The following AGAP3 variants were observed in gnomAD, a reference collection of about 807,000 sequenced individuals.
The protein encoded by AGAP3 is arf-GAP with GTPase, ANK repeat and PH domain-containing protein 3.
AGAP3 carries 24 observed loss-of-function variants against 96.9 expected under a neutral mutation model. The observed-to-expected ratio is 0.25, with a 90% confidence interval of 0.18 to 0.35. The LOEUF (loss-of-function observed/expected upper bound fraction) is 0.35. Among genes scored for constraint, AGAP3 ranks in the 10% least tolerant of loss-of-function variants. AGAP3 has a pLI of 1.00. For synonymous variants in AGAP3, 563 were observed against 536.1 expected (o/e 1.05, Z -0.69); for missense variants, 876 against 1,254.2 (o/e 0.70, Z 4.55).
At chr7:151,130,131 T>G (rs1275561713) in intron 10 of AGAP3, among the ~76,000 whole-genome samples, 1 of 152,212 alleles carries the variant, frequency 6.6e-6, no homozygotes, top group Non-Finnish European at 1.5e-5. Context: ...TTTCCCCACC[T>G]GTGTGGAGCT....
intron 1 of AGAP3, among the ~76,000 whole-genome samples, chr7:151,102,967 AGCC>A (rs1320077655): frequency 6.6e-6 from 1 of 152,250 alleles, no homozygotes; most frequent in African/African-American, 2.4e-5. Context: ...CTGTAGTCTC[AGCC>A]ACATGGGAGG....
rs1169140860 is a variant in AGAP3, at chr7:151,142,267, T to C, written c.2050+14T>C. On this transcript the variant is annotated intron_variant, in intron 15 of 17. Transcript: ENST00000397238. This position sits in a 1 kb window ranked among gnomAD's most constrained non-coding sequence, Gnocchi z 7.5. Reference sequence around the variant, plus strand: ...GCGATGCACCCAGTGAGTGCAAGGCTGGTGGGGCTGGGAGCTGGGGATGGC... The same window carrying C: ...GCGATGCACCCAGTGAGTGCAAGGCCGGTGGGGCTGGGAGCTGGGGATGGC... The C allele has an allele frequency of 6.2e-7, 1 of 1,611,148 alleles. No homozygotes were observed. The highest frequency in any genetic ancestry group is 1.7e-5 in the Admixed American group (1 of 59,968).
chr7:151,107,171 G>T (rs1014867632), intron 1 of AGAP3, among the ~76,000 whole-genome samples: 1 of 152,090 alleles, frequency 6.6e-6, no homozygotes, highest in Non-Finnish European at 1.5e-5. Context: ...TTAGCCGGAT[G>T]TGGTGGCACG....
intron 1 of AGAP3, among the ~76,000 whole-genome samples, chr7:151,103,777 CA>C (rs1327776347): frequency 1.3e-5 from 2 of 152,190 alleles, no homozygotes; most frequent in Middle Eastern, 3.2e-3. Context: ...AAGGATGAAA[CA>C]GGATCCAATG....
chr7:151,117,225 C>T lies in AGAP3; in HGVS notation c.478+43C>T, dbSNP rs746065540. On this transcript the variant is annotated intron_variant, in intron 3 of 17. Transcript: ENST00000397238. ...AGCCTGGGCCCTGAGGCCGGCCACT[C>T]CTCCAGCTCCTGCCCACAGGGTCTG... 7.5e-6 allele frequency: 12 copies of T among 1,600,170 alleles called. No homozygotes were observed. In the Admixed American group the frequency reaches 1.7e-4, roughly 22 times the overall value.
rs775946836 is a variant in AGAP3, at chr7:151,138,134, C to T, written c.1496-9C>T. 45 of 1,581,680 alleles carry T rather than the reference C, an allele frequency of 2.8e-5. No individual in the cohort carries two copies. In the South Asian group the frequency reaches 3.6e-4, roughly 13 times the overall value. On this transcript the variant is annotated splice_polypyrimidine_tract_variant and intron_variant, in intron 11 of 17. Coordinates refer to ENST00000397238, the MANE Select transcript of AGAP3 (RefSeq NM_031946.7). ...CCTCCCTTCCCAGTCTGACCCTTCC[C>T]GCCCCCAGGTGCCCCCCACTCGGCC...
At chr7:151,120,908 A>G (rs935574771) in intron 8 of AGAP3, 5 of 1,027,964 alleles carry the variant, frequency 4.9e-6, no homozygotes, top group Non-Finnish European at 6.0e-6. Flanking sequence ...TGCCCATCCA[A>G]ACCCTAATCC....
chr7:151,114,729 G>A lies in AGAP3; in HGVS notation c.332-2064G>A. 1 of 1,008,746 alleles carries A rather than the reference G, an allele frequency of 9.9e-7. No homozygotes were observed. The highest frequency in any genetic ancestry group is 1.2e-6 in the Non-Finnish European group (1 of 846,492). 62.5% of individuals were successfully genotyped at this position (1,008,746 alleles called of 1,614,324 possible). A position where few individuals can be genotyped will look rare whatever the true frequency, so the allele number is the denominator to read the frequency against. On this transcript the variant is annotated intron_variant, in intron 1 of 17. Coordinates refer to ENST00000397238, the MANE Select transcript of AGAP3 (RefSeq NM_031946.7). This position sits in a 1 kb window ranked among gnomAD's most constrained non-coding sequence, Gnocchi z 4.4. ...GGCCCCGGCCCGGGCCCAGCCCCGT[G>A]CCCCTCGCCATGGGCCTGGCCCGCG...
In AGAP3 at chr7:151,116,791, A is replaced by C. The variant is rs1195634831; in HGVS notation, c.332-2A>C. 1 of 1,614,038 alleles carries C rather than the reference A, an allele frequency of 6.2e-7. No individual in the cohort carries two copies. The highest frequency in any genetic ancestry group is 8.5e-7 in the Non-Finnish European group (1 of 1,180,000). On this transcript the variant is annotated splice_acceptor_variant, in intron 1 of 17. Transcript: ENST00000397238. LOFTEE classifies it high-confidence loss of function. ...CTGACGGGGCGGCTCTGTCTTCCGC[A>C]GACTCGTTTGTGAACAGCCAGGAGT...
At chr7:151,127,887 G>A (rs1800243079) in intron 9 of AGAP3, among the ~76,000 whole-genome samples, 1 of 152,190 alleles carries the variant, frequency 6.6e-6, no homozygotes, top group African/African-American at 2.4e-5. Context: ...ATGTTTACTG[G>A]GTGTCAGCTG....
Position 151,142,135 on chromosome 7 carries a change from T to G in AGAP3, c.1960-28T>G. On this transcript the variant is annotated intron_variant, in intron 14 of 17. Coordinates refer to ENST00000397238, the MANE Select transcript of AGAP3 (RefSeq NM_031946.7). The surrounding 1 kb of genome is among the most constrained non-coding windows in gnomAD (Gnocchi z 7.5). ...GGCCTCATGACTGACCAACCGCCCC[T>G]TGTCTTGTCTCTCCTGCTGTGCGAC... 1.9e-6 allele frequency: 3 copies of G among 1,612,340 alleles called. No homozygotes were observed. Among genetic ancestry groups the G allele is most frequent in the Non-Finnish European group, 2.5e-6 (3 of 1,178,918 alleles).
At chr7:151,117,071 C>G (rs1799626806) in intron 2 of AGAP3, 24 bp from the exon 3 acceptor site, 2 of 1,609,530 alleles carry the variant, frequency 1.2e-6, no homozygotes, top group African/African-American at 2.7e-5. Context: ...CCCTCTGACC[C>G]ACTCACCCCT....
At chr7:151,116,641 G>A in intron 1 of AGAP3, 152 bp from the exon 2 acceptor site, 1 of 768,552 alleles carries the variant, frequency 1.3e-6, no homozygotes, top group Non-Finnish European at 2.2e-6. Context: ...TGCCTCCTGG[G>A]GAACTAGGGG....
In AGAP3 at chr7:151,118,358, C is replaced by A; in HGVS notation, c.841+14C>A. ...TCTTCCAGGACGGTAACTCGGGTGC[C>A]GGGTGGGAGTCACTGGCAGCCGCGG... is the stretch of plus-strand genomic sequence containing the variant. On this transcript the variant is annotated intron_variant, in intron 6 of 17. Coordinates refer to ENST00000397238, the MANE Select transcript of AGAP3 (RefSeq NM_031946.7). This position sits in a 1 kb window ranked among gnomAD's most constrained non-coding sequence, Gnocchi z 6.1. The A allele has an allele frequency of 6.2e-7, 1 of 1,604,630 alleles. No individual in the cohort carries two copies. Among genetic ancestry groups the A allele is most frequent in the Non-Finnish European group, 8.5e-7 (1 of 1,172,824 alleles).
intron 11 of AGAP3, among the ~76,000 whole-genome samples, chr7:151,136,875 G>A (rs181612849): frequency 1.8e-4 from 28 of 152,310 alleles, no homozygotes; most frequent in Middle Eastern, 3.4e-3. Flanking sequence ...TTCCTGAGGC[G>A]GGACCTGTGA....
In AGAP3 at chr7:151,125,530, G is replaced by T. The variant is rs566301439; in HGVS notation, c.1221+1644G>T. On this transcript the variant is annotated intron_variant, in intron 9 of 17. Coordinates refer to ENST00000397238, the MANE Select transcript of AGAP3 (RefSeq NM_031946.7). ...CGCCAGCTGGGGGCAGGTGTCAGAG[G>T]CCTGTGCCTGATGCAGTGACACCCT... 9.8e-5 allele frequency among the ~76,000 whole-genome samples: 15 copies of T among 152,324 alleles called. 1 individual carries two copies. Among genetic ancestry groups the T allele is most frequent in the Admixed American group, 9.1e-4 (14 of 15,308 alleles).
chr7:151,120,649 A>G (rs1799837349), intron 8 of AGAP3: 1 of 1,283,962 alleles, frequency 7.8e-7, no homozygotes, highest in African/African-American at 1.5e-5. Flanking sequence ...TGCCGAGGGG[A>G]AAATTCATGC....
chr7:151,125,312 C>G (rs542365108), intron 9 of AGAP3, among the ~76,000 whole-genome samples: 3 of 152,332 alleles, frequency 2.0e-5, no homozygotes, highest in African/African-American at 7.2e-5. Context: ...TCGTCAGGGG[C>G]TGACTTATTT....
At chr7:151,127,003 G>A (rs1227341039) in intron 9 of AGAP3, among the ~76,000 whole-genome samples, 3 of 152,198 alleles carry the variant, frequency 2.0e-5, no homozygotes, top group African/African-American at 7.2e-5. Flanking sequence ...GAAACGTGCT[G>A]GAAAGTCAGC....
Sources: allele counts gnomAD v4.1 joint callset (sites outside exome capture counted in the v4.1 genomes callset), GRCh38; gene constraint gnomAD v4.1.1; non-coding constraint Gnocchi (gnomAD v3.1); transcripts MANE v1.5; gene names NCBI Gene and HGNC (gene_info 2026-07-23, HGNC 2026-07-21).